The following DIAPH2 variants were observed in gnomAD, a reference collection of about 807,000 sequenced individuals.
DIAPH2 encodes the protein diaphanous related formin 2, also known as protein diaphanous homolog 2.
Under a neutral mutation model 92.7 loss-of-function variants are expected in DIAPH2, and 35 were observed. That is an observed-to-expected ratio of 0.38 (90% CI 0.29 to 0.50). The LOEUF (loss-of-function observed/expected upper bound fraction) is 0.50, where lower values mean the gene tolerates loss of function less well. Among genes scored for constraint, DIAPH2 ranks in the 20% least tolerant of loss-of-function variants. DIAPH2 has a pLI of 0.94. For missense variants in DIAPH2, 701 were observed against 819.5 expected (o/e 0.86, Z 1.77); for synonymous variants, 301 against 280.4 (o/e 1.07, Z -0.73).
chrX:96,943,858 A>C (rs968095633), intron 13 of DIAPH2, among the ~76,000 whole-genome samples: 8 of 111,414 alleles, frequency 7.2e-5, no homozygotes, highest in African/African-American at 1.9e-4. Context: ...CAGCATCATA[A>C]ACCCATTGTG....
At position 96,912,368 on chromosome X, in the gene DIAPH2, T is replaced by C; in HGVS notation, c.628T>C (p.Leu210=). ...NFGHEGLGLL[L]DELEKLLDKK... is the part of the protein sequence containing the mutation. ...TGGCCATGAAGGTCTTGGACTCTTA[T>C]TGGATGAGCTGGAAAAGCTTCTGGA... Residue 210 remains leucine, a synonymous_variant, in exon 6 of 27, where the codon TTG becomes CTG. Coordinates refer to ENST00000324765, the MANE Select transcript of DIAPH2 (RefSeq NM_006729.5). The C allele has an allele frequency of 8.3e-7, 1 of 1,203,384 alleles. No individual in the cohort carries two copies. The highest frequency in any genetic ancestry group is 1.7e-5 in the African/African-American group (1 of 57,583).
chrX:97,230,884 G>A (rs771073893), intron 22 of DIAPH2, among the ~76,000 whole-genome samples: 19 of 112,245 alleles, frequency 1.7e-4, no homozygotes, highest in Admixed American at 1.2e-3. Flanking sequence ...AGATCAGAGA[G>A]GCAGGTGATA....
intron 22 of DIAPH2, among the ~76,000 whole-genome samples, chrX:97,151,233 T>G (rs775165000): frequency 9.0e-6 from 1 of 111,567 alleles, no homozygotes; most frequent in African/African-American, 3.3e-5. Flanking sequence ...AGGTGGCCAC[T>G]TATATGCACT....
chrX:96,833,310 A>G (rs999664466), intron 4 of DIAPH2, among the ~76,000 whole-genome samples: 5 of 111,616 alleles, frequency 4.5e-5, no homozygotes, highest in Non-Finnish European at 9.4e-5. Context: ...ATTTTCTATT[A>G]TCCCTAATTG....
chrX:96,804,541 T>G (rs1171486408), intron 4 of DIAPH2, among the ~76,000 whole-genome samples: 2 of 111,764 alleles, frequency 1.8e-5, no homozygotes, highest in Non-Finnish European at 3.8e-5. Flanking sequence ...TAACGCTTAT[T>G]AGGAAAGAAA....
chrX:96,692,311 T>C (rs1165913218), intron 1 of DIAPH2, among the ~76,000 whole-genome samples: 1 of 111,959 alleles, frequency 8.9e-6, no homozygotes, highest in Non-Finnish European at 1.9e-5. Flanking sequence ...CTACATACTG[T>C]CACGTCTTTA....
At chrX:97,117,499 G>T (rs1290559179) in intron 21 of DIAPH2, among the ~76,000 whole-genome samples, 1 of 111,790 alleles carries the variant, frequency 8.9e-6, no homozygotes, top group African/African-American at 3.2e-5. Flanking sequence ...GTTTTAAAAT[G>T]ATACCATTTA....
chrX:97,027,347 G>A (rs1015716008), intron 17 of DIAPH2, among the ~76,000 whole-genome samples: 2 of 111,894 alleles, frequency 1.8e-5, no homozygotes, highest in African/African-American at 6.5e-5. Context: ...TATGGTGGGT[G>A]ATAAAGTGCT....
chrX:96,909,361 A>G (rs1168495334), intron 5 of DIAPH2, among the ~76,000 whole-genome samples: 1 of 110,115 alleles, frequency 9.1e-6, no homozygotes, highest in African/African-American at 3.3e-5. Flanking sequence ...AGTATACTCT[A>G]TGTATATGAG....
chrX:97,194,282 A>T (rs1365671684), intron 22 of DIAPH2, among the ~76,000 whole-genome samples: 1 of 108,237 alleles, frequency 9.2e-6, no homozygotes, highest in Non-Finnish European at 1.9e-5. Flanking sequence ...AATATCCTAG[A>T]AATTTTTTTT....
rs773133198 is a variant in DIAPH2 at position 97,066,846 on chromosome X, C to A, written c.2051-6095C>A. On this transcript the variant is annotated intron_variant, in intron 17 of 26. Transcript: ENST00000324765. ...ATTTGGGGTGTTCTTGTATAAACTACAACCAGTAAGATTTGTTCCTTAATT... is the reference window on the plus strand; with the variant it reads ...ATTTGGGGTGTTCTTGTATAAACTAAAACCAGTAAGATTTGTTCCTTAATT... Among the ~76,000 whole-genome samples the A allele has an allele frequency of 5.3e-5, 6 of 112,207 alleles. No individual in the cohort carries two copies. The South Asian group carries it at 2.2e-3, about 41-fold the overall frequency.
At chrX:97,397,449 T>C (rs995056798) in intron 25 of DIAPH2, among the ~76,000 whole-genome samples, 17 of 111,644 alleles carry the variant, frequency 1.5e-4, no homozygotes, top group African/African-American at 5.2e-4. Context: ...CTGGAGAAAG[T>C]TGCGTAGGAA....
At position 96,717,252 on chromosome X, in the gene DIAPH2, T is replaced by C. The variant is rs780563601; in HGVS notation, c.133-18506T>C. Among the ~76,000 whole-genome samples, 5 of 111,700 alleles carry C rather than the reference T, an allele frequency of 4.5e-5. No homozygotes were observed. In the South Asian group the frequency reaches 1.9e-3, roughly 42 times the overall value. The stretch of plus-strand genomic sequence containing the variant: ...TTTGTTTTATGGTAAATGTTCCATG[T>C]GCACTTGACAAAAAATATGTAGTCT... On this transcript the variant is annotated intron_variant, in intron 1 of 26. Coordinates refer to ENST00000324765, the MANE Select transcript of DIAPH2 (RefSeq NM_006729.5).
intron 17 of DIAPH2, among the ~76,000 whole-genome samples, chrX:97,000,625 A>G (rs905310964): frequency 9.3e-6 from 1 of 108,037 alleles, no homozygotes; most frequent in Non-Finnish European, 1.9e-5. Flanking sequence ...ATGAATACAC[A>G]CACACACACA....
intron 22 of DIAPH2, among the ~76,000 whole-genome samples, chrX:97,182,970 A>C: frequency 9.0e-6 from 1 of 111,302 alleles, no homozygotes; most frequent in East Asian, 2.8e-4. Context: ...AGAGTATAAG[A>C]AAGGAAGAAA....
At chrX:97,340,658 G>GTTT (rs1197732406) in intron 23 of DIAPH2, among the ~76,000 whole-genome samples, 1 of 95,199 alleles carries the variant, frequency 1.1e-5, no homozygotes, top group Non-Finnish European at 2.1e-5. Flanking sequence ...TGTTTTTTTT[G>GTTT]TTTTTTTTTT....
rs747854335 is a variant in DIAPH2, at chrX:96,738,593, G to A, written c.173G>A (p.Arg58Gln). 2.5e-6 allele frequency: 3 copies of A among 1,190,008 alleles called. No individual in the cohort carries two copies. The highest frequency in any genetic ancestry group is 6.0e-5 in the East Asian group (2 of 33,559). Residue 58 changes from arginine (R) to glutamine (Q), a missense_variant, in exon 3 of 27, where the codon CGA (arginine) becomes CAA (glutamine). This residue lies in a region of DIAPH2 where 131 missense variants were observed against 145.6 expected (regional missense o/e 0.90). Transcript: ENST00000324765. ...ATTTATTTTTGTTTGCAGCGTGACCGAATTACAAGTTTTAGAAAATCTACT... is the reference window on the plus strand; with the variant it reads ...ATTTATTTTTGTTTGCAGCGTGACCAAATTACAAGTTTTAGAAAATCTACT... The part of the protein sequence containing the change: ...IKTLADDVRD[R>Q]ITSFRKSTVK...
intron 26 of DIAPH2, among the ~76,000 whole-genome samples, chrX:97,502,657 A>G (rs1451236119): frequency 8.9e-6 from 1 of 112,512 alleles, no homozygotes; most frequent in African/African-American, 3.2e-5. Flanking sequence ...GTTAATTGCA[A>G]ATGTAAGTTG....
At position 97,471,690 on chromosome X, in the gene DIAPH2, CAAAAAA is replaced by C. The variant is rs34891772; in HGVS notation, c.3241+41962_3241+41967del. ...GGGCAACGAGAGTGAAAATCCGTCT[CAAAAAA>C]AAAAAAAAAAAAAAAAGGAAAGAAA... is the stretch of plus-strand genomic sequence containing the variant. On this transcript the variant is annotated intron_variant, in intron 26 of 26. Coordinates refer to ENST00000324765, the MANE Select transcript of DIAPH2 (RefSeq NM_006729.5). 6.9e-4 allele frequency among the ~76,000 whole-genome samples: 31 copies of C among 44,947 alleles called. No individual in the cohort carries two copies. The Admixed American group carries it at 7.5e-3, about 11-fold the overall frequency. The allele number at this position is 44,947 out of a possible 115,157, so 39.0% of individuals were successfully genotyped here. A position where few individuals can be genotyped will look rare whatever the true frequency, so the allele number is the denominator to read the frequency against.
Sources: gnomAD v4.1 joint callset for allele counts (sites outside exome capture counted in the v4.1 genomes callset) on GRCh38, gnomAD v4.1.1 for gene constraint, gnomAD v4.1.1 regional missense constraint, MANE v1.5 for transcripts, NCBI Gene and HGNC (gene_info 2026-07-23, HGNC 2026-07-21) for gene names.